Variants in AMPD3 observed in about 807,000 individuals in gnomAD.
AMPD3 encodes the protein AMP deaminase 3.
AMPD3 carries 57 observed loss-of-function variants against 82.3 expected under a neutral mutation model. That is an observed-to-expected ratio of 0.69 (90% CI 0.56 to 0.86). The LOEUF is 0.86. Ranked by LOEUF, AMPD3 falls within the 40% of genes least tolerant of loss-of-function variation. The probability of loss-of-function intolerance (pLI) is 0.00; values close to 1 mark genes in which losing one functional copy is unlikely to be tolerated. For synonymous variants in AMPD3, 381 were observed against 394.7 expected, an observed-to-expected ratio of 0.97 and a Z score of 0.41; for missense variants, 870 against 1,003.8, an observed-to-expected ratio of 0.87 and a Z score of 1.80.
intron 10 of AMPD3, chr11:10,498,284 TG>T (rs1410315635): frequency 6.6e-6 from 1 of 152,412 alleles, no homozygotes; most frequent in Non-Finnish European, 1.5e-5. Context: ...GAGTCTAGGA[TG>T]CCTCCCAGGT....
At chr11:10,495,838 G>T in intron 9 of AMPD3, 105 bp downstream of exon 9, 1 of 1,417,062 alleles carries the variant, frequency 7.1e-7, no homozygotes. Flanking sequence ...CTGTTCTGGT[G>T]CCAGCTTACG....
At position 10,504,631 on chromosome 11, in the gene AMPD3, G is replaced by A. The variant is rs1470369042; in HGVS notation, c.2099G>A (p.Ser700Asn). The change falls in exon 14 of 15, where the codon AGC becomes AAC. Residue 700 changes from serine to asparagine, a missense_variant. Ser to Asn is a conservative substitution (Grantham distance 46, BLOSUM62 1). Coordinates refer to ENST00000396553, the MANE Select transcript of AMPD3 (RefSeq NM_001025389.2). Reference sequence around the variant, plus strand: ...GACCTGTGTGAGATCGCCAGGAACAGCGTGCTGCAGAGCGGCCTCTCGCAT... The same window carrying A: ...GACCTGTGTGAGATCGCCAGGAACAACGTGCTGCAGAGCGGCCTCTCGCAT... ...TCDLCEIARNSVLQSGLSHQE... is the reference protein window; with the variant it reads ...TCDLCEIARNNVLQSGLSHQE... The A allele has an allele frequency of 6.2e-7, 1 of 1,614,086 alleles. No homozygotes were observed. The highest frequency in any genetic ancestry group is 1.3e-5 in the African/African-American group (1 of 74,944).
chr11:10,487,948 C>T (rs1208983168), intron 6 of AMPD3, among the ~76,000 whole-genome samples: 2 of 151,700 alleles, frequency 1.3e-5, no homozygotes, highest in East Asian at 1.9e-4. Context: ...GCACATCCTG[C>T]ACATGTATCC....
chr11:10,501,641 GCTC>G (rs781425852), intron 12 of AMPD3, 51 bp downstream of exon 12: 1 of 1,613,714 alleles, frequency 6.2e-7, no homozygotes, highest in East Asian at 2.2e-5. Context: ...CCTGCCCTGG[GCTC>G]CTGGGAGGCT....
chr11:10,463,452 T>A (rs1848329925), intron 2 of AMPD3, among the ~76,000 whole-genome samples: 1 of 151,874 alleles, frequency 6.6e-6, no homozygotes, highest in Non-Finnish European at 1.5e-5. Flanking sequence ...TCAAGAAGAG[T>A]ATGACTGTAG....
chr11:10,486,747 C>A (rs1039098410), intron 5 of AMPD3: 14 of 985,206 alleles, frequency 1.4e-5, no homozygotes, highest in African/African-American at 1.7e-5. Context: ...GTTATCAATC[C>A]TCTGGGCAAC....
intron 1 of AMPD3, among the ~76,000 whole-genome samples, chr11:10,460,485 C>A (rs1216663056): frequency 6.6e-6 from 1 of 151,162 alleles, no homozygotes; most frequent in Non-Finnish European, 1.5e-5. Context: ...TGGCTCATTG[C>A]AACCTTCACC....
At position 10,494,980 on chromosome 11, in the gene AMPD3, T is replaced by C; in HGVS notation, c.1216T>C (p.Leu406=). The C allele has an allele frequency of 1.2e-6, 2 of 1,614,196 alleles. No individual in the cohort carries two copies. Among genetic ancestry groups the C allele is most frequent in the Non-Finnish European group, 1.7e-6 (2 of 1,180,014 alleles). The change falls in exon 8 of 15, where the codon TTG becomes CTG. Residue 406 remains leucine (L), a synonymous_variant. Transcript: ENST00000396553. ...GGCCAGTGAGCTGCGTGACCTGTAT[T>C]TGAAAACTGAAAACTATCTGGGAGG... ...VGASELRDLY[L]KTENYLGGEY...
chr11:10,463,057 C>T (rs774662793), intron 2 of AMPD3, among the ~76,000 whole-genome samples: 2 of 152,140 alleles, frequency 1.3e-5, no homozygotes, highest in Non-Finnish European at 2.9e-5. Context: ...CAGTTTATCT[C>T]ACCCTGGGCT....
chr11:10,500,163 C>T lies in AMPD3; in HGVS notation c.1635C>T (p.Asp545=), dbSNP rs376688327. ...HMFSDKSPNP[D]VWTSEQNPPY... is the part of the protein sequence containing the mutation. ...TTTCCGACAAGAGCCCAAACCCGGA[C>T]GTCTGGACCAGTGAGCAGAACCCAC... Residue 545 remains aspartate, a synonymous_variant, in exon 11 of 15, where the codon GAC becomes GAT. Coordinates refer to ENST00000396553, the MANE Select transcript of AMPD3 (RefSeq NM_001025389.2). 56 of 1,614,190 alleles carry T rather than the reference C, an allele frequency of 3.5e-5. No homozygotes were observed. Among genetic ancestry groups the T allele is most frequent in the Middle Eastern group, 1.6e-4 (1 of 6,062 alleles).
intron 1 of AMPD3, chr11:10,455,813 G>C (rs773000292): frequency 1.4e-4 from 105 of 738,852 alleles, no homozygotes; most frequent in Non-Finnish European, 1.7e-4. Flanking sequence ...GTGCCCTTGG[G>C]AGGGCTGCTT....
chr11:10,461,296 T>A (rs1313632800), intron 1 of AMPD3: 1 of 1,533,238 alleles, frequency 6.5e-7, no homozygotes, highest in Admixed American at 1.8e-5. Context: ...TTTTGAACAC[T>A]TGCTTTCTCC....
At chr11:10,450,419 G>A, upstream of AMPD3, 2 of 986,094 alleles carry the variant, frequency 2.0e-6, no homozygotes, top group Middle Eastern at 5.2e-4. Flanking sequence ...CAATGCTTGC[G>A]GGTTGCTGCA....
intron 2 of AMPD3, among the ~76,000 whole-genome samples, chr11:10,469,350 G>A (rs543859046): frequency 2.5e-4 from 38 of 152,060 alleles, no homozygotes; most frequent in Non-Finnish European, 3.8e-4. Context: ...GACTACCATC[G>A]GAGAATACTA....
At chr11:10,469,084 T>C (rs907398873) in intron 2 of AMPD3, among the ~76,000 whole-genome samples, 3 of 152,016 alleles carry the variant, frequency 2.0e-5, no homozygotes, top group African/African-American at 7.2e-5. Flanking sequence ...TTAAAAGAGC[T>C]AGAGAAGCAA....
At chr11:10,469,824 G>A (rs944167767) in intron 2 of AMPD3, among the ~76,000 whole-genome samples, 7 of 152,060 alleles carry the variant, frequency 4.6e-5, no homozygotes, top group Admixed American at 2.0e-4. Flanking sequence ...CAGATCACGA[G>A]GTCAGGAGAT....
chr11:10,468,159 A>G (rs543354441), intron 2 of AMPD3, among the ~76,000 whole-genome samples: 2 of 152,334 alleles, frequency 1.3e-5, no homozygotes, highest in South Asian at 4.1e-4. Flanking sequence ...TCAAATTCAC[A>G]CGTAACAATA....
At chr11:10,487,426 C>A in intron 6 of AMPD3, 62 bp downstream of exon 6, 4 of 1,605,686 alleles carry the variant, frequency 2.5e-6, no homozygotes, top group South Asian at 2.2e-5. Context: ...CCATGGGATG[C>A]CCTGAGCCAG....
chr11:10,450,551 C>T (rs1847934192), upstream of AMPD3: 2 of 986,294 alleles, frequency 2.0e-6, no homozygotes, highest in Admixed American at 6.1e-5. Flanking sequence ...GTGTGGAAGC[C>T]CGGCGGGGCC....
Sources: gnomAD v4.1 joint callset for allele counts (sites outside exome capture counted in the v4.1 genomes callset) on GRCh38, gnomAD v4.1.1 for gene constraint, MANE v1.5 for transcripts, NCBI Gene and HGNC (gene_info 2026-07-23, HGNC 2026-07-21) for gene names.